Variants in LYN observed in about 807,000 individuals in gnomAD.
LYN encodes the protein LYN proto-oncogene, Src family tyrosine kinase, also known as tyrosine-protein kinase Lyn.
In LYN, 12 loss-of-function variants were observed where a neutral mutation model predicts 65.0. The observed-to-expected ratio is 0.18, with a 90% CI of 0.12 to 0.30. The LOEUF is 0.30. LYN is among the 10% of genes least tolerant of loss of function. LYN has a pLI of 1.00. For missense variants in LYN, 380 were observed against 623.2 expected, an observed-to-expected ratio of 0.61 and a Z score of 4.16; for synonymous variants, 222 against 221.2, an observed-to-expected ratio of 1.00 and a Z score of -0.03.
rs371420064 is a variant in LYN at position 55,935,067 on chromosome 8, G to A, written c.-5-6788G>A. Among the ~76,000 whole-genome samples the A allele has an allele frequency of 6.6e-5, 10 of 152,230 alleles. No individual in the cohort carries two copies. In the East Asian group the frequency reaches 7.7e-4, roughly 12 times the overall value. ...GCCATGGTCATAGCCTAGAGGTGAC[G>A]CCCACACCATGGAGGCAGCTCTGTG... On this transcript the variant is annotated intron_variant, in intron 1 of 12. Coordinates refer to ENST00000519728, the MANE Select transcript of LYN (RefSeq NM_002350.4).
At chr8:55,907,659 G>A (rs7815660) in intron 1 of LYN, among the ~76,000 whole-genome samples, 104,564 of 151,650 alleles carry the variant, frequency 0.69, 36,154 homozygotes, top group East Asian at 0.95. Context: ...TTGAGCCCAG[G>A]AGTTCAAGAC....
intron 10 of LYN, among the ~76,000 whole-genome samples, chr8:55,987,852 T>C (rs1429009574): frequency 6.6e-6 from 1 of 152,214 alleles, no homozygotes; most frequent in Non-Finnish European, 1.5e-5. Flanking sequence ...AGACTCAGCT[T>C]CGTCCTCGTT....
At position 56,010,010 on chromosome 8, in the gene LYN, G is replaced by A; in HGVS notation, c.1439G>A (p.Trp480Ter). Residue 480 changes from tryptophan (W) to a stop codon, truncating the protein, a stop_gained, in exon 13 of 13, where the codon TGG (tryptophan) becomes TAG (stop). Transcript: ENST00000519728. LOFTEE classifies it high-confidence loss of function. Reference protein sequence around the residue: ...DELYDIMKMCWKEKAEERPTF... With the variant: ...DELYDIMKMC ...CTCTATGACATTATGAAAATGTGCT[G>A]GAAAGAAAAGGCAGAAGAGAGACCA... 6.2e-7 allele frequency: 1 copy of A among 1,614,104 alleles called. No homozygotes were observed. Among genetic ancestry groups the A allele is most frequent in the Non-Finnish European group, 8.5e-7 (1 of 1,179,996 alleles).
intron 12 of LYN, among the ~76,000 whole-genome samples, chr8:56,001,455 C>T (rs1450233196): frequency 6.6e-6 from 1 of 152,152 alleles, no homozygotes; most frequent in Non-Finnish European, 1.5e-5. Flanking sequence ...CCCATCACTA[C>T]TGTTTCATGT....
At chr8:55,966,513 G>A (rs1030974108) in intron 8 of LYN, among the ~76,000 whole-genome samples, 5 of 151,886 alleles carry the variant, frequency 3.3e-5, no homozygotes, top group South Asian at 4.2e-4. Context: ...GATTACAGGC[G>A]CCTGCCACCA....
chr8:55,982,778 T>G (rs1200138786), intron 10 of LYN, among the ~76,000 whole-genome samples: 16 of 152,106 alleles, frequency 1.1e-4, no homozygotes, highest in Admixed American at 9.8e-4. Context: ...CTCGAGCCAC[T>G]CTGCAGGCTG....
At chr8:55,917,182 A>AG (rs1805801922) in intron 1 of LYN, among the ~76,000 whole-genome samples, 1 of 151,842 alleles carries the variant, frequency 6.6e-6, no homozygotes, top group Non-Finnish European at 1.5e-5. Context: ...TCTAAAAAAA[A>AG]AAAAAAAGAG....
intron 9 of LYN, among the ~76,000 whole-genome samples, chr8:55,967,306 ATTTTTTT>A (rs35631616): frequency 3.2e-5 from 3 of 95,142 alleles, no homozygotes; most frequent in South Asian, 7.0e-4. Flanking sequence ...TTCCTCTTTC[ATTTTTTT>A]TTTTTTTTTT....
chr8:55,947,710 A>G lies in LYN; in HGVS notation c.271A>G (p.Lys91Glu). The change falls in exon 4 of 13, where the codon AAA becomes GAA. Residue 91 changes from lysine to glutamate, a missense_variant. Coordinates refer to ENST00000519728, the MANE Select transcript of LYN (RefSeq NM_002350.4). ...GTCTTTCAAGAAAGGAGAGAAGATG[A>G]AAGTCCTGGAGGAGTAAGTGCTCTC... The part of the protein sequence containing the change: ...DLSFKKGEKM[K>E]VLEEHGEWWK... 6.2e-7 allele frequency: 1 copy of G among 1,613,350 alleles called. No individual in the cohort carries two copies. The highest frequency in any genetic ancestry group is 8.5e-7 in the Non-Finnish European group (1 of 1,179,314).
chr8:55,951,777 G>A (rs1406035423), intron 6 of LYN, among the ~76,000 whole-genome samples, 189 bp from the exon 7 acceptor site: 1 of 151,952 alleles, frequency 6.6e-6, no homozygotes, highest in African/African-American at 2.4e-5. Context: ...AAGCTACACA[G>A]CAAACAAAAT....
intron 12 of LYN, among the ~76,000 whole-genome samples, chr8:56,001,440 G>T (rs964696245): frequency 6.6e-6 from 1 of 152,136 alleles, no homozygotes; most frequent in Non-Finnish European, 1.5e-5. Context: ...CACAGTCTGC[G>T]TGCTCCCATC....
rs145665634 is a variant in LYN, at chr8:55,946,456, A to T, written c.141A>T (p.Glu47Asp). 1 of 1,608,938 alleles carries T rather than the reference A, an allele frequency of 6.2e-7. No homozygotes were observed. The change falls in exon 3 of 13, where the codon GAA (glutamate) becomes GAT (aspartate). Residue 47 changes from glutamate (E) to aspartate (D), a missense_variant. By Grantham distance (45) the Glu-to-Asp change is conservative. Around this residue, in one of 2 missense-constraint regions of LYN, gnomAD observed 157 missense variants for 193.2 expected, o/e 0.81. Transcript: ENST00000519728. ...TSNKQQRPVPESQLLPGQRFQ... is the reference protein window; with the variant it reads ...TSNKQQRPVPDSQLLPGQRFQ... Reference sequence around the variant, plus strand: ...CAAATATTCTCTCGTAGGTTCCAGAATCTCAGCTTTTACCTGGACAGAGGT... The same window carrying T: ...CAAATATTCTCTCGTAGGTTCCAGATTCTCAGCTTTTACCTGGACAGAGGT...
At chr8:55,995,110 C>A (rs1462978107) in intron 10 of LYN, among the ~76,000 whole-genome samples, 1 of 152,152 alleles carries the variant, frequency 6.6e-6, no homozygotes, top group Non-Finnish European at 1.5e-5. Flanking sequence ...ATTGCCACCC[C>A]GTGTCATCTG....
At chr8:55,959,471 G>A (rs1310725492) in intron 8 of LYN, among the ~76,000 whole-genome samples, 1 of 152,182 alleles carries the variant, frequency 6.6e-6, no homozygotes, top group African/African-American at 2.4e-5. Context: ...TCAATTGACA[G>A]CATTCAAAGC....
At chr8:55,909,828 G>A (rs1025726586) in intron 1 of LYN, among the ~76,000 whole-genome samples, 1 of 152,112 alleles carries the variant, frequency 6.6e-6, no homozygotes, top group African/African-American at 2.4e-5. Flanking sequence ...AAGTCTCATT[G>A]TGGTTTTAAT....
intron 1 of LYN, among the ~76,000 whole-genome samples, chr8:55,939,492 T>C (rs987338920): frequency 5.3e-5 from 7 of 131,564 alleles, no homozygotes; most frequent in African/African-American, 2.7e-4. Flanking sequence ...GAGAGAACGC[T>C]GGAGCGAGCA....
intron 10 of LYN, among the ~76,000 whole-genome samples, chr8:55,987,423 AT>A (rs909963322): frequency 8.0e-5 from 12 of 150,024 alleles, no homozygotes; most frequent in East Asian, 3.9e-4. Flanking sequence ...AAAAAAAAAA[AT>A]CTTTTCTGTT....
chr8:55,919,754 C>T (rs1362735283), intron 1 of LYN, among the ~76,000 whole-genome samples: 1 of 152,196 alleles, frequency 6.6e-6, no homozygotes, highest in Non-Finnish European at 1.5e-5. Flanking sequence ...CAAAAAGCCA[C>T]AACGGGCCCT....
chr8:55,920,246 C>T (rs1364896484), intron 1 of LYN, among the ~76,000 whole-genome samples: 2 of 152,016 alleles, frequency 1.3e-5, no homozygotes, highest in Non-Finnish European at 2.9e-5. Flanking sequence ...AGCTGGGGGA[C>T]TTGGGGACGC....
Sources: gnomAD v4.1 joint callset for allele counts (sites outside exome capture counted in the v4.1 genomes callset) on GRCh38, gnomAD v4.1.1 for gene constraint, gnomAD v4.1.1 regional missense constraint, MANE v1.5 for transcripts, NCBI Gene and HGNC (gene_info 2026-07-23, HGNC 2026-07-21) for gene names.